The following PTPRM variants were observed in gnomAD, a reference collection of about 807,000 sequenced individuals.
PTPRM encodes protein tyrosine phosphatase receptor type M, also known as receptor-type tyrosine-protein phosphatase mu.
PTPRM carries 47 observed loss-of-function variants against 186.7 expected under a neutral mutation model. That is an observed-to-expected ratio of 0.25 (90% CI 0.20 to 0.32). The LOEUF is 0.32. Ranked by LOEUF, PTPRM falls within the 10% of genes least tolerant of loss-of-function variation. The pLI is 1.00. For missense variants in PTPRM, 1,494 were observed against 1,865.0 expected (o/e 0.80, Z 3.66); for synonymous variants, 668 against 674.9 (o/e 0.99, Z 0.16).
At chr18:8,209,406 A>T (rs1254964316) in intron 14 of PTPRM, among the ~76,000 whole-genome samples, 1 of 152,084 alleles carries the variant, frequency 6.6e-6, no homozygotes, top group Non-Finnish European at 1.5e-5. Flanking sequence ...AAAATCAAGG[A>T]TGTCTCTGAG....
chr18:8,256,082 G>A (rs114139732), intron 19 of PTPRM, among the ~76,000 whole-genome samples: 41 of 152,300 alleles, frequency 2.7e-4, no homozygotes, highest in African/African-American at 9.4e-4. Context: ...TGAAGTTTAT[G>A]TAGTTTTTAG....
rs377642289 is a variant in PTPRM at position 8,076,540 on chromosome 18, A to G, written c.1527A>G (p.Thr509=). Residue 509 remains threonine, a synonymous_variant, in exon 9 of 33, where the codon ACA becomes ACG. Transcript: ENST00000580170. Reference sequence around the variant, plus strand: ...TTCAGTGGAGAGAACCAACTCAAACATATGGTGTAATCACTTTATATGAGG... The same window carrying G: ...TTCAGTGGAGAGAACCAACTCAAACGTATGGTGTAATCACTTTATATGAGG... ...IFLQWREPTQ[T]YGVITLYEIT... is the part of the protein sequence containing the mutation. The G allele has an allele frequency of 6.9e-6, 11 of 1,583,914 alleles. No individual in the cohort carries two copies. The African/African-American group carries it at 8.1e-5, about 12-fold the overall frequency.
In PTPRM at chr18:7,567,928, G is replaced by C. The variant is rs771366185; in HGVS notation, c.73+37G>C. The C allele has an allele frequency of 1.3e-6, 2 of 1,523,366 alleles. No homozygotes were observed. Among genetic ancestry groups the C allele is most frequent in the African/African-American group, 1.5e-5 (1 of 68,768 alleles). The allele number at this position is 1,523,366 out of a possible 1,614,324, so 94.4% of individuals were successfully genotyped here. On this transcript the variant is annotated intron_variant, in intron 1 of 32. Transcript: ENST00000580170. This position sits in a 1 kb window ranked among gnomAD's most constrained non-coding sequence, Gnocchi z 4.3. ...CGCCTCTGCCGCCCCCGAGGCGCGC[G>C]GGCCGGCGCGGGACGCCCGGGACGC... is the stretch of plus-strand genomic sequence containing the variant.
chr18:7,824,129 A>G (rs1038999534), intron 2 of PTPRM, among the ~76,000 whole-genome samples: 2 of 152,128 alleles, frequency 1.3e-5, no homozygotes, highest in African/African-American at 4.8e-5. Context: ...CCTGGTCTTC[A>G]TCCGGGCCTC....
In PTPRM at chr18:7,614,911, T is replaced by C. The variant is rs1390404160; in HGVS notation, c.73+47020T>C. On this transcript the variant is annotated intron_variant, in intron 1 of 32. Transcript: ENST00000580170. ...AGTTTTGTCAAGTTTTTAAGAGAGA[T>C]GATCAGTTTTTTGAACCGTTTTACT... 4.6e-5 allele frequency among the ~76,000 whole-genome samples: 7 copies of C among 152,194 alleles called. No individual in the cohort carries two copies. The East Asian group carries it at 1.3e-3, about 29-fold the overall frequency.
intron 20 of PTPRM, among the ~76,000 whole-genome samples, chr18:8,298,541 G>C (rs2095120983): frequency 6.6e-6 from 1 of 152,168 alleles, no homozygotes; most frequent in African/African-American, 2.4e-5. Flanking sequence ...TCCTCATGGA[G>C]ACACTGAGAT....
intron 4 of PTPRM, among the ~76,000 whole-genome samples, chr18:7,925,072 A>G (rs1181878764): frequency 4.6e-5 from 7 of 152,210 alleles, no homozygotes; most frequent in East Asian, 1.9e-4. Flanking sequence ...TAAGTACCCA[A>G]TAAAGGTTAC....
rs142845872 is a variant in PTPRM at position 8,203,013 on chromosome 18, G to C, written c.2301-41045G>C. On this transcript the variant is annotated intron_variant, in intron 14 of 32. Coordinates refer to ENST00000580170, the MANE Select transcript of PTPRM (RefSeq NM_001105244.2). ...ATTCATCACCCCGAAAAATGAGTTT[G>C]CACTTTAATTTATAAATATAAAATA... Among the ~76,000 whole-genome samples the C allele has an allele frequency of 3.1e-3, 471 of 152,270 alleles. 1 individual carries two copies. Among genetic ancestry groups the C allele is most frequent in the African/African-American group, 0.01 (434 of 41,564 alleles).
chr18:7,926,419 A>C (rs1215875273), intron 4 of PTPRM, 149 bp from the exon 5 acceptor site: 48 of 478,966 alleles, frequency 1.0e-4, no homozygotes, highest in Non-Finnish European at 1.5e-4. Context: ...AATTATAGTT[A>C]AATCTTTAAA....
At chr18:7,687,518 C>T (rs996590674) in intron 1 of PTPRM, among the ~76,000 whole-genome samples, 45 of 152,030 alleles carry the variant, frequency 3.0e-4, no homozygotes, top group African/African-American at 8.9e-4. Context: ...TTTAAAAATC[C>T]GCTGCTACCA....
chr18:8,177,855 C>G (rs966142567), intron 14 of PTPRM, among the ~76,000 whole-genome samples: 1 of 152,192 alleles, frequency 6.6e-6, no homozygotes. Flanking sequence ...TGTGTCTCTT[C>G]TCCCCTGATT....
At chr18:7,895,015 T>C (rs927764091) in intron 3 of PTPRM, among the ~76,000 whole-genome samples, 4 of 152,242 alleles carry the variant, frequency 2.6e-5, no homozygotes, top group Admixed American at 2.6e-4. Context: ...TAATGAATTC[T>C]TTTAAAGGAA....
chr18:8,316,379 G>A (rs2095309129), intron 21 of PTPRM, among the ~76,000 whole-genome samples: 1 of 152,176 alleles, frequency 6.6e-6, no homozygotes, highest in South Asian at 2.1e-4. Context: ...GATGTAATTT[G>A]AATAAGCTTT....
At chr18:7,959,190 C>CT (rs1284542220) in intron 7 of PTPRM, among the ~76,000 whole-genome samples, 3 of 152,204 alleles carry the variant, frequency 2.0e-5, no homozygotes, top group Non-Finnish European at 4.4e-5. Context: ...TCAGAGTTAA[C>CT]TACCATTTAA....
intron 1 of PTPRM, among the ~76,000 whole-genome samples, chr18:7,726,092 C>T (rs894544256): frequency 1.3e-5 from 2 of 152,164 alleles, no homozygotes; most frequent in African/African-American, 4.8e-5. Context: ...CATGCACTCC[C>T]CCTCCTGTGA....
intron 11 of PTPRM, among the ~76,000 whole-genome samples, chr18:8,093,249 G>T (rs1397512374): frequency 1.3e-5 from 2 of 152,034 alleles, no homozygotes; most frequent in Non-Finnish European, 2.9e-5. Flanking sequence ...CACGCTAGGA[G>T]CCTTTGAGCA....
chr18:7,679,946 G>A (rs757304691), intron 1 of PTPRM, among the ~76,000 whole-genome samples: 6 of 152,028 alleles, frequency 3.9e-5, no homozygotes, highest in Non-Finnish European at 7.4e-5. Flanking sequence ...GCTCACCACA[G>A]CCTCAAACTC....
chr18:8,282,842 C>T (rs2094918233), intron 19 of PTPRM, among the ~76,000 whole-genome samples: 1 of 152,124 alleles, frequency 6.6e-6, no homozygotes, highest in African/African-American at 2.4e-5. Flanking sequence ...TTGCTCTTCC[C>T]TAAGGGAATG....
chr18:8,215,962 TAACC>T (rs1268607249), intron 14 of PTPRM, among the ~76,000 whole-genome samples: 2 of 152,222 alleles, frequency 1.3e-5, no homozygotes, highest in African/African-American at 2.4e-5. Flanking sequence ...TGTCTGTCAA[TAACC>T]AGGTTTCCCT....
Sources: gnomAD v4.1 joint callset for allele counts (sites outside exome capture counted in the v4.1 genomes callset) on GRCh38, gnomAD v4.1.1 for gene constraint, Gnocchi (gnomAD v3.1) non-coding constraint, MANE v1.5 for transcripts, NCBI Gene and HGNC (gene_info 2026-07-23, HGNC 2026-07-21) for gene names.